Variants in PPP1R13L observed in about 807,000 individuals in gnomAD.
PPP1R13L encodes relA-associated inhibitor.
In PPP1R13L, 50 loss-of-function variants were observed where a neutral mutation model predicts 80.9. The observed-to-expected ratio is 0.62, with a 90% confidence interval of 0.49 to 0.78. The LOEUF (loss-of-function observed/expected upper bound fraction) is 0.78, where lower values mean the gene tolerates loss of function less well. Among genes scored for constraint, PPP1R13L ranks in the 30% least tolerant of loss-of-function variants. The pLI, the probability that PPP1R13L is intolerant of heterozygous loss-of-function variation, is 0.00. For synonymous variants in PPP1R13L, 602 were observed against 534.3 expected (o/e 1.13, Z -1.75); for missense variants, 1,200 against 1,205.9 (o/e 1.00, Z 0.07).
chr19:45,403,334 C>A (rs1242664302), intron 1 of PPP1R13L, among the ~76,000 whole-genome samples: 1 of 152,088 alleles, frequency 6.6e-6, no homozygotes, highest in Non-Finnish European at 1.5e-5. Flanking sequence ...CCTTTCAACT[C>A]TTTCTGAGAT....
intron 12 of PPP1R13L, among the ~76,000 whole-genome samples, 161 bp downstream of exon 12, chr19:45,382,366 G>A (rs1401637434): frequency 6.6e-6 from 1 of 152,078 alleles, no homozygotes; most frequent in Non-Finnish European, 1.5e-5. Context: ...TAAATATAAC[G>A]GACTTTTCGT....
At chr19:45,389,365 T>A (rs1364418727) in intron 8 of PPP1R13L, among the ~76,000 whole-genome samples, 1 of 152,080 alleles carries the variant, frequency 6.6e-6, no homozygotes, top group African/African-American at 2.4e-5. Flanking sequence ...GCACACGGAG[T>A]GTTCAGGACT....
chr19:45,398,128 C>A lies in PPP1R13L; in HGVS notation c.75G>T (p.Met25Ile), dbSNP rs768831333. 1.2e-6 allele frequency: 2 copies of A among 1,614,090 alleles called. No homozygotes were observed. Among genetic ancestry groups the A allele is most frequent in the Non-Finnish European group, 1.7e-6 (2 of 1,179,972 alleles). The change falls in exon 3 of 13, where the codon ATG becomes ATT. Residue 25 changes from methionine (M) to isoleucine (I), a missense_variant. Physicochemically the swap from Met to Ile is conservative, Grantham distance 10 (BLOSUM62 1). Around this residue, in one of 5 missense-constraint regions of PPP1R13L, gnomAD observed 764 missense variants for 714.5 expected, o/e 1.07. Coordinates refer to ENST00000360957, the MANE Select transcript of PPP1R13L (RefSeq NM_006663.4). ...MNFQSLAMKH[M>I]DLKQMELDTA... Reference sequence around the variant, plus strand: ...TGTCCAGCTCCATCTGCTTCAGATCCATGTGTTTCATGGCCAGCGCTGGGA... The same window carrying A: ...TGTCCAGCTCCATCTGCTTCAGATCAATGTGTTTCATGGCCAGCGCTGGGA...
At position 45,396,838 on chromosome 19, in the gene PPP1R13L, G is replaced by T; in HGVS notation, c.419C>A (p.Ser140Ter). Residue 140 changes from serine (S) to a stop codon, truncating the protein, a stop_gained, in exon 4 of 13, where the codon TCG (serine) becomes TAG (stop). Coordinates refer to ENST00000360957, the MANE Select transcript of PPP1R13L (RefSeq NM_006663.4). LOFTEE classifies it high-confidence loss of function. This position sits in a 1 kb window ranked among gnomAD's most constrained non-coding sequence, Gnocchi z 5.3. The stretch of plus-strand genomic sequence containing the variant: ...GCCATCGAAGGCGCGGGGCCGGGGC[G>T]AGGTCGCGCGGTCCAGGCTGCCGTA... ...DAYGSLDRAT[S>*]PRPRAFDGAG... is the part of the protein sequence containing the mutation. The T allele has an allele frequency of 6.6e-7, 1 of 1,503,956 alleles. No individual in the cohort carries two copies. 93.2% of individuals were successfully genotyped at this position (1,503,956 alleles called of 1,614,324 possible). A position where few individuals can be genotyped will look rare whatever the true frequency, so the allele number is the denominator to read the frequency against.
At position 45,398,311 on chromosome 19, in the gene PPP1R13L, C is replaced by T; in HGVS notation, c.8G>A (p.Ser3Asn). ...GTCCCGCGCGCTCTGGAATGCCTCG[C>T]TGTCCATGGTGCCGGCCGGAGCGGG... MD[S>N]EAFQSARDFL... Residue 3 changes from serine (S) to asparagine (N), a missense_variant, in exon 2 of 13, where the codon AGC becomes AAC. Physicochemically the swap from Ser to Asn is conservative, Grantham distance 46 (BLOSUM62 1). This residue lies in a region of PPP1R13L where 764 missense variants were observed against 714.5 expected (regional missense o/e 1.07). Coordinates refer to ENST00000360957, the MANE Select transcript of PPP1R13L (RefSeq NM_006663.4). 1 of 1,613,842 alleles carries T rather than the reference C, an allele frequency of 6.2e-7. No individual in the cohort carries two copies. Among genetic ancestry groups the T allele is most frequent in the East Asian group, 2.2e-5 (1 of 44,876 alleles).
At chr19:45,384,697 C>CA (rs932447061) in intron 11 of PPP1R13L, among the ~76,000 whole-genome samples, 19 of 151,696 alleles carry the variant, frequency 1.3e-4, no homozygotes, top group Non-Finnish European at 1.6e-4. Context: ...ACTAAAAATA[C>CA]AAAAAAATGA....
intron 1 of PPP1R13L, among the ~76,000 whole-genome samples, chr19:45,401,354 CAA>C (rs34884152): frequency 0.019 from 2,211 of 116,360 alleles, 26 homozygotes; most frequent in African/African-American, 0.025. Context: ...GACTCCGTCC[CAA>C]AAAAAAAAAA....
chr19:45,403,275 A>G (rs567720985), intron 1 of PPP1R13L, among the ~76,000 whole-genome samples: 2 of 152,324 alleles, frequency 1.3e-5, no homozygotes, highest in East Asian at 1.9e-4. Context: ...GTCTGGCAAC[A>G]GAGTGAGGGG....
In PPP1R13L at chr19:45,395,822, C is replaced by T. The variant is rs749278504; in HGVS notation, c.968G>A (p.Arg323His). The T allele has an allele frequency of 2.0e-5, 32 of 1,593,962 alleles. No individual in the cohort carries two copies. The highest frequency in any genetic ancestry group is 1.3e-5 in the African/African-American group (1 of 74,636). ...GCGCCGGTAGCTGCCCGCGTCTGAACGCCGGTCGCTGGCCAGAGGAGAGAC... is the reference window on the plus strand; with the variant it reads ...GCGCCGGTAGCTGCCCGCGTCTGAATGCCGGTCGCTGGCCAGAGGAGAGAC... ...YKVSPLASDR[R>H]SDAGSYRRSL... is the part of the protein sequence containing the mutation. The change falls in exon 7 of 13, where the codon CGT (arginine) becomes CAT (histidine). Residue 323 changes from arginine (R) to histidine (H), a missense_variant. This residue lies in a region of PPP1R13L where 764 missense variants were observed against 714.5 expected (regional missense o/e 1.07). Coordinates refer to ENST00000360957, the MANE Select transcript of PPP1R13L (RefSeq NM_006663.4).
chr19:45,381,205 C>G (rs1157154836), intron 12 of PPP1R13L, among the ~76,000 whole-genome samples: 1 of 151,580 alleles, frequency 6.6e-6, no homozygotes, highest in African/African-American at 2.4e-5. Context: ...CAGGCACCCG[C>G]CACCACACCC....
In PPP1R13L at chr19:45,392,017, C is replaced by G. The variant is rs747862057; in HGVS notation, c.1678G>C (p.Gly560Arg). ...LFHRHGGPGP[G>R]GPEPELSPIT... ...GGGGACAGCTCTGGCTCCGGCCCCC[C>G]GGGCCCTGGCCCCCCATGACGATGG... The change falls in exon 8 of 13, where the codon GGG (glycine) becomes CGG (arginine). Residue 560 changes from glycine to arginine, a missense_variant. Physicochemically the swap from Gly to Arg is moderately radical, Grantham distance 125 (BLOSUM62 -2). Transcript: ENST00000360957. 1.1e-5 allele frequency: 17 copies of G among 1,540,624 alleles called. 1 individual carries two copies. Among genetic ancestry groups the G allele is most frequent in the East Asian group, 9.1e-5 (4 of 44,194 alleles).
intron 12 of PPP1R13L, among the ~76,000 whole-genome samples, chr19:45,380,686 G>C (rs1972745091): frequency 6.6e-6 from 1 of 152,050 alleles, no homozygotes; most frequent in Admixed American, 6.6e-5. Flanking sequence ...GGGCGTGGTG[G>C]TGCATGCCCG....
intron 11 of PPP1R13L, among the ~76,000 whole-genome samples, chr19:45,383,357 T>G (rs1972805780): frequency 8.1e-6 from 1 of 123,588 alleles, no homozygotes; most frequent in Non-Finnish European, 1.6e-5. Flanking sequence ...AGGAGTGCAA[T>G]GGTGCGGTCT....
Position 45,392,327 on chromosome 19 carries a change from G to T in PPP1R13L, c.1368C>A (p.Pro456=). 4 of 1,613,346 alleles carry T rather than the reference G, an allele frequency of 2.5e-6. No individual in the cohort carries two copies. The highest frequency in any genetic ancestry group is 3.4e-6 in the Non-Finnish European group (4 of 1,180,016). ...WPPVNEGPPK[P]PTELEPEPEI... ...CCGGCTCAGGCTCCAGCTCGGTGGGGGGTTTGGGGGGTCCTAGCCGGAACA... is the reference window on the plus strand; with the variant it reads ...CCGGCTCAGGCTCCAGCTCGGTGGGTGGTTTGGGGGGTCCTAGCCGGAACA... Residue 456 remains proline (P), a synonymous_variant, in exon 8 of 13, where the codon CCC becomes CCA. Coordinates refer to ENST00000360957, the MANE Select transcript of PPP1R13L (RefSeq NM_006663.4).
Position 45,389,943 on chromosome 19 carries a change from G to A in PPP1R13L, c.1815+1937C>T, listed in dbSNP as rs543114409. Among the ~76,000 whole-genome samples, 12 of 151,014 alleles carry A rather than the reference G, an allele frequency of 7.9e-5. No individual in the cohort carries two copies. In the East Asian group the frequency reaches 2.2e-3, roughly 27 times the overall value. ...AGAGTAGCTGGGACTACAGGCGCCC[G>A]CCACCACCCCCAGCTAATTTTTGTA... On this transcript the variant is annotated intron_variant, in intron 8 of 12. Transcript: ENST00000360957.
In PPP1R13L at chr19:45,392,094, G is replaced by A. The variant is rs1478791431; in HGVS notation, c.1601C>T (p.Ala534Val). Residue 534 changes from alanine (A) to valine (V), a missense_variant, in exon 8 of 13, where the codon GCC (alanine) becomes GTC (valine). Around this residue, in one of 5 missense-constraint regions of PPP1R13L, gnomAD observed 53 missense variants for 96.5 expected, o/e 0.55. Coordinates refer to ENST00000360957, the MANE Select transcript of PPP1R13L (RefSeq NM_006663.4). ...CTGTTTCTTGTGGGTAGGGGGCAGG[G>A]CCACAGCAGGGGCCTGCTCCATGGA... is the stretch of plus-strand genomic sequence containing the variant. Reference protein sequence around the residue: ...RGSMEQAPAVALPPTHKKQYQ... With the variant: ...RGSMEQAPAVVLPPTHKKQYQ... 1 of 1,543,322 alleles carries A rather than the reference G, an allele frequency of 6.5e-7. No homozygotes were observed. The highest frequency in any genetic ancestry group is 1.2e-5 in the South Asian group (1 of 80,122).
At position 45,395,586 on chromosome 19, in the gene PPP1R13L, G is replaced by T. The variant is rs1367969650; in HGVS notation, c.1204C>A (p.Pro402Thr). Residue 402 changes from proline to threonine, a missense_variant, in exon 7 of 13, where the codon CCC becomes ACC. Transcript: ENST00000360957. The part of the protein sequence containing the change: ...LPGSPLFTRA[P>T]PPKLQPQPQP... ...GGTTGGGGCTGCAGCTTAGGCGGGG[G>T]TGCTCGGGTGAAGAGGGGGGACCCA... is the stretch of plus-strand genomic sequence containing the variant. 2 of 1,475,966 alleles carry T rather than the reference G, an allele frequency of 1.4e-6. No individual in the cohort carries two copies. The highest frequency in any genetic ancestry group is 2.3e-5 in the Admixed American group (1 of 43,502). 91.4% of individuals were successfully genotyped at this position (1,475,966 alleles called of 1,614,324 possible). A position where few individuals can be genotyped will look rare whatever the true frequency, so the allele number is the denominator to read the frequency against.
chr19:45,399,134 G>T (rs1264667363), intron 1 of PPP1R13L, among the ~76,000 whole-genome samples: 3 of 151,074 alleles, frequency 2.0e-5, no homozygotes, highest in Non-Finnish European at 4.4e-5. Flanking sequence ...TAGTAGAGAC[G>T]GGGTTTCACC....
chr19:45,382,999 T>TC (rs1972795770), intron 11 of PPP1R13L, among the ~76,000 whole-genome samples: 1 of 144,292 alleles, frequency 6.9e-6, no homozygotes, highest in Non-Finnish European at 1.5e-5. Context: ...TTTCTTTCTT[T>TC]TTTTTTTTTT....
Sources: allele counts gnomAD v4.1 joint callset (sites outside exome capture counted in the v4.1 genomes callset), GRCh38; gene constraint gnomAD v4.1.1; regional missense constraint gnomAD v4.1.1; non-coding constraint Gnocchi (gnomAD v3.1); transcripts MANE v1.5; gene names NCBI Gene and HGNC (gene_info 2026-07-23, HGNC 2026-07-21).